Variants in MDGA1 observed in about 807,000 individuals in gnomAD.
MDGA1 encodes the protein MAM domain-containing glycosylphosphatidylinositol anchor protein 1.
MDGA1 carries 54 observed loss-of-function variants against 101.5 expected under a neutral mutation model. The observed-to-expected ratio is 0.53, with a 90% CI of 0.43 to 0.67. MDGA1 has a LOEUF of 0.67. MDGA1 is among the 30% of genes least tolerant of loss of function. MDGA1 has a pLI of 0.00. For synonymous variants in MDGA1, 533 were observed against 558.3 expected (o/e 0.95, Z 0.64); for missense variants, 1,083 against 1,323.8 (o/e 0.82, Z 2.82).
Position 37,655,482 on chromosome 6 carries a change from A to C in MDGA1, c.579+218T>G. Reference sequence around the variant, plus strand: ...CTAACTAGCAATGTTCCTGGAGGACATGTTGCCTCGGGGACACTCCTGCCC... The same window carrying C: ...CTAACTAGCAATGTTCCTGGAGGACCTGTTGCCTCGGGGACACTCCTGCCC... On this transcript the variant is annotated intron_variant, in intron 4 of 16. Coordinates refer to ENST00000434837, the MANE Select transcript of MDGA1 (RefSeq NM_153487.4). This position sits in a 1 kb window ranked among gnomAD's most constrained non-coding sequence, Gnocchi z 5.1. 1 of 498,626 alleles carries C rather than the reference A, an allele frequency of 2.0e-6. No individual in the cohort carries two copies. The highest frequency in any genetic ancestry group is 3.7e-5 in the Admixed American group (1 of 26,768). The allele number at this position is 498,626 out of a possible 1,614,324, so 30.9% of individuals were successfully genotyped here.
chr6:37,644,533 T>C lies in MDGA1; in HGVS notation c.2365A>G (p.Thr789Ala). 1 of 1,602,008 alleles carries C rather than the reference T, an allele frequency of 6.2e-7. No homozygotes were observed. Among genetic ancestry groups the C allele is most frequent in the East Asian group, 2.3e-5 (1 of 43,700 alleles). The change falls in exon 13 of 17, where the codon ACT becomes GCT. Residue 789 changes from threonine to alanine, a missense_variant. Transcript: ENST00000434837. ...LTQNPKRSPN[T>A]GPPTDISGTP... is the part of the protein sequence containing the mutation. ...CCACTTATGTCGGTGGGGGGACCAGTGTTGGGGGAGCGTTTGGGGTTCTGG... is the reference window on the plus strand; with the variant it reads ...CCACTTATGTCGGTGGGGGGACCAGCGTTGGGGGAGCGTTTGGGGTTCTGG...
intron 8 of MDGA1, 107 bp downstream of exon 8, chr6:37,650,002 G>C (rs1761317652): frequency 7.5e-7 from 1 of 1,329,446 alleles, no homozygotes; most frequent in South Asian, 1.2e-5. Flanking sequence ...GGAGTAGCTG[G>C]TGGGGTTTGG....
At chr6:37,664,241 A>C in intron 1 of MDGA1, 135 bp from the exon 2 acceptor site, 1 of 1,121,038 alleles carries the variant, frequency 8.9e-7, no homozygotes, top group Non-Finnish European at 1.3e-6. Flanking sequence ...GCCTGACCCC[A>C]CTGAGCCCAG....
chr6:37,663,864 C>A, intron 2 of MDGA1, 103 bp downstream of exon 2: 1 of 1,285,586 alleles, frequency 7.8e-7, no homozygotes, highest in Non-Finnish European at 1.1e-6. Flanking sequence ...CTCCATGCTG[C>A]GGTGCATCGT....
At chr6:37,687,587 G>A (rs989730724) in intron 1 of MDGA1, among the ~76,000 whole-genome samples, 1 of 151,838 alleles carries the variant, frequency 6.6e-6, no homozygotes, top group Non-Finnish European at 1.5e-5. Context: ...AATTTTGCTG[G>A]TTTTACATTG....
intron 13 of MDGA1, 85 bp from the exon 14 acceptor site, chr6:37,644,028 C>A (rs983324787): frequency 6.6e-7 from 1 of 1,523,182 alleles, no homozygotes; most frequent in Non-Finnish European, 8.8e-7. Context: ...TAGGCCTCTG[C>A]GGGCTGAATC....
chr6:37,645,597 T>C (rs1761172425), intron 12 of MDGA1, among the ~76,000 whole-genome samples: 1 of 152,168 alleles, frequency 6.6e-6, no homozygotes, highest in African/African-American at 2.4e-5. Context: ...CTGAATTCTA[T>C]ACATAGATTC....
chr6:37,681,006 C>CT (rs1475270008), intron 1 of MDGA1, among the ~76,000 whole-genome samples: 1 of 151,784 alleles, frequency 6.6e-6, no homozygotes, highest in Non-Finnish European at 1.5e-5. Context: ...GCCCCCCCCC[C>CT]CCAGGAAACC....
At chr6:37,640,607 G>A (rs1458935188) in intron 14 of MDGA1, among the ~76,000 whole-genome samples, 2 of 152,240 alleles carry the variant, frequency 1.3e-5, no homozygotes, top group East Asian at 1.9e-4. Flanking sequence ...GTGAGCCACT[G>A]AGCCTGAACA....
At chr6:37,666,724 G>A (rs1445189472) in intron 1 of MDGA1, among the ~76,000 whole-genome samples, 1 of 152,224 alleles carries the variant, frequency 6.6e-6, no homozygotes, top group African/African-American at 2.4e-5. Flanking sequence ...GATGTCCCAA[G>A]GTGAAGTTGC....
In MDGA1 at chr6:37,635,770, G is replaced by A. The variant is rs1170363322; in HGVS notation, c.*1598C>T. 1 of 398,430 alleles carries A rather than the reference G, an allele frequency of 2.5e-6. No homozygotes were observed. The highest frequency in any genetic ancestry group is 2.1e-5 in the African/African-American group (1 of 48,642). 24.7% of individuals were successfully genotyped at this position (398,430 alleles called of 1,614,324 possible). On this transcript the variant is annotated 3_prime_UTR_variant, in exon 17 of 17. Transcript: ENST00000434837. ...ATCTGTAAGCTCTCCGTCATCCATA[G>A]GGGATGAAAGGTGGAATTTCAGGCC... is the stretch of plus-strand genomic sequence containing the variant.
chr6:37,650,416 GAT>G lies in MDGA1; in HGVS notation c.1313-13_1313-12del, dbSNP rs1761334266. Reference sequence around the variant, plus strand: ...TGATGGTGGGCGGCACTGTGGGGGTGATGGTGATCAGCGGAGAGGTAGGAGCG... The same window carrying G: ...TGATGGTGGGCGGCACTGTGGGGGTGGGTGATCAGCGGAGAGGTAGGAGCG... On this transcript the variant is annotated splice_polypyrimidine_tract_variant and intron_variant, in intron 7 of 16. Coordinates refer to ENST00000434837, the MANE Select transcript of MDGA1 (RefSeq NM_153487.4). 1.3e-6 allele frequency: 2 copies of G among 1,525,532 alleles called. No homozygotes were observed. Among genetic ancestry groups the G allele is most frequent in the Admixed American group, 1.9e-5 (1 of 53,358 alleles). 94.5% of individuals were successfully genotyped at this position (1,525,532 alleles called of 1,614,324 possible).
chr6:37,640,343 G>A (rs544595395), intron 14 of MDGA1, among the ~76,000 whole-genome samples: 20 of 152,122 alleles, frequency 1.3e-4, no homozygotes, highest in Non-Finnish European at 1.8e-4. Context: ...GAGGAGTGTA[G>A]TGAGCAAAGC....
intron 1 of MDGA1, among the ~76,000 whole-genome samples, chr6:37,687,892 T>C (rs1762229379): frequency 2.0e-5 from 3 of 152,168 alleles, no homozygotes; most frequent in Admixed American, 1.3e-4. Flanking sequence ...ACTCCTTCAA[T>C]CTCTCTAGGT....
At chr6:37,683,519 C>T (rs1762137701) in intron 1 of MDGA1, among the ~76,000 whole-genome samples, 1 of 149,814 alleles carries the variant, frequency 6.7e-6, no homozygotes, top group Non-Finnish European at 1.5e-5. Flanking sequence ...CCTGCGGGCA[C>T]CTCTCTGCCT....
In MDGA1 at chr6:37,649,115, A is replaced by G. The variant is rs1376672869; in HGVS notation, c.1761T>C (p.Val587=). ...CCGGCGCCTCGGCGGCGGCGGGAAC[A>G]ACAGGCGGCGGCGGCAGCAGCTGCC... The part of the protein sequence containing the change: ...FKGQLLPPPP[V]VPAAAEAPDH... The change falls in exon 9 of 17, where the codon GTT becomes GTC. Residue 587 remains valine (V), a synonymous_variant. Transcript: ENST00000434837. The G allele has an allele frequency of 1.3e-6, 2 of 1,519,242 alleles. No homozygotes were observed. Among genetic ancestry groups the G allele is most frequent in the Non-Finnish European group, 1.8e-6 (2 of 1,136,862 alleles). 94.1% of individuals were successfully genotyped at this position (1,519,242 alleles called of 1,614,324 possible).
chr6:37,649,892 C>G (rs1761315418), intron 8 of MDGA1: 2 of 720,058 alleles, frequency 2.8e-6, no homozygotes, highest in Non-Finnish European at 5.0e-6. Flanking sequence ...TTCACCGGGT[C>G]CCTGAAAATG....
Position 37,674,117 on chromosome 6 carries a change from T to C in MDGA1, c.68-10011A>G, listed in dbSNP as rs187926822. Among the ~76,000 whole-genome samples, 86 of 152,324 alleles carry C rather than the reference T, an allele frequency of 5.6e-4. 1 individual carries two copies. The highest frequency in any genetic ancestry group is 5.6e-3 in the Admixed American group (86 of 15,306). Reference sequence around the variant, plus strand: ...GGGCAAAGAACCTCTGCCCTCTCCCTGCTGCAAACCATATTAAAGCCTGTT... The same window carrying C: ...GGGCAAAGAACCTCTGCCCTCTCCCCGCTGCAAACCATATTAAAGCCTGTT... On this transcript the variant is annotated intron_variant, in intron 1 of 16. Coordinates refer to ENST00000434837, the MANE Select transcript of MDGA1 (RefSeq NM_153487.4).
At chr6:37,679,296 C>G (rs1762045072) in intron 1 of MDGA1, among the ~76,000 whole-genome samples, 2 of 152,120 alleles carry the variant, frequency 1.3e-5, no homozygotes, top group Admixed American at 1.3e-4. Context: ...CAATCACGGC[C>G]AGGGACAGAA....
Sources: allele counts gnomAD v4.1 joint callset (sites outside exome capture counted in the v4.1 genomes callset), GRCh38; gene constraint gnomAD v4.1.1; non-coding constraint Gnocchi (gnomAD v3.1); transcripts MANE v1.5; gene names NCBI Gene and HGNC (gene_info 2026-07-23, HGNC 2026-07-21).